AGBL3: variants seen among roughly 807,000 people sequenced by gnomAD.
AGBL3 encodes the protein AGBL carboxypeptidase 3.
A neutral mutation model predicts 94.5 loss-of-function variants in AGBL3; 68 were observed. The ratio of observed to expected loss-of-function variants is 0.72; its 90% CI spans 0.59 to 0.88. The LOEUF (loss-of-function observed/expected upper bound fraction) is 0.88, where lower values mean the gene tolerates loss of function less well. Among genes scored for constraint, AGBL3 ranks in the 40% least tolerant of loss-of-function variants. AGBL3 has a pLI of 0.00. For missense variants in AGBL3, 934 were observed against 1,103.8 expected (o/e 0.85, Z 2.18); for synonymous variants, 354 against 370.7 (o/e 0.95, Z 0.52).
At chr7:135,011,796 CAG>C (rs1563181838) in intron 4 of AGBL3, 3 of 152,244 alleles carry the variant, frequency 2.0e-5, no homozygotes, top group East Asian at 1.9e-4. Context: ...ATGGAGCAAA[CAG>C]AAACTTTGTG....
chr7:135,010,041 G>C (rs1385395042), intron 4 of AGBL3: 1 of 425,158 alleles, frequency 2.4e-6, no homozygotes. Context: ...TTTTTTTTAA[G>C]ATGGAGTCTC....
chr7:135,024,849 G>C (rs1272229330), intron 5 of AGBL3, among the ~76,000 whole-genome samples: 2 of 148,428 alleles, frequency 1.3e-5, no homozygotes, highest in African/African-American at 4.8e-5. Flanking sequence ...AATACAGTTA[G>C]AATCATTAAC....
At chr7:135,055,904 C>T (rs1270935366) in intron 11 of AGBL3, among the ~76,000 whole-genome samples, 1 of 152,016 alleles carries the variant, frequency 6.6e-6, no homozygotes, top group Admixed American at 6.6e-5. Context: ...TTTGTAGGGT[C>T]ACTAATTATC....
chr7:135,113,764 C>T (rs992883312), intron 15 of AGBL3, among the ~76,000 whole-genome samples: 1 of 152,128 alleles, frequency 6.6e-6, no homozygotes, highest in African/African-American at 2.4e-5. Flanking sequence ...TCCAGAACTC[C>T]TTTTTCTCTT....
chr7:135,095,557 C>T (rs932581809), intron 15 of AGBL3, among the ~76,000 whole-genome samples: 3 of 152,112 alleles, frequency 2.0e-5, no homozygotes, highest in African/African-American at 4.8e-5. Flanking sequence ...ACCCACTGTC[C>T]TGTGACCAAC....
chr7:135,100,002 C>T (rs1029982762), intron 15 of AGBL3: 2 of 150,108 alleles, frequency 1.3e-5, no homozygotes, highest in Non-Finnish European at 2.9e-5. Context: ...ATTCTCCTGC[C>T]TCAGCCTCCC....
At chr7:135,115,726 G>A (rs2117187507) in intron 16 of AGBL3, 115 bp downstream of exon 16, 1 of 833,310 alleles carries the variant, frequency 1.2e-6, no homozygotes, top group Non-Finnish European at 1.8e-6. Flanking sequence ...AATGATGTCA[G>A]CTCCATCACA....
chr7:135,038,136 C>G (rs2116490497), intron 8 of AGBL3, among the ~76,000 whole-genome samples: 1 of 152,178 alleles, frequency 6.6e-6, no homozygotes, highest in Non-Finnish European at 1.5e-5. Flanking sequence ...TTTAATCATT[C>G]TTTAGGGAAA....
chr7:135,071,733 C>T (rs1285163238), intron 12 of AGBL3, among the ~76,000 whole-genome samples: 1 of 152,192 alleles, frequency 6.6e-6, no homozygotes, highest in African/African-American at 2.4e-5. Flanking sequence ...AACTGAATCT[C>T]TTCCTTACAC....
chr7:135,104,635 A>G (rs371397329), intron 15 of AGBL3, among the ~76,000 whole-genome samples: 2 of 152,230 alleles, frequency 1.3e-5, no homozygotes, highest in African/African-American at 2.4e-5. Context: ...CTGCTGTGAG[A>G]TGGTATCTCA....
chr7:135,131,126 A>G lies in AGBL3; in HGVS notation c.2343-3715A>G, dbSNP rs193200466. Reference sequence around the variant, plus strand: ...AAATAAATTTAAAAATCATCTTGTAATTAGAAAAAAAAGGAATGAGATCAT... The same window carrying G: ...AAATAAATTTAAAAATCATCTTGTAGTTAGAAAAAAAAGGAATGAGATCAT... On this transcript the variant is annotated intron_variant, in intron 16 of 16. Transcript: ENST00000436302. 2.7e-4 allele frequency among the ~76,000 whole-genome samples: 41 copies of G among 152,260 alleles called. No individual in the cohort carries two copies. The Middle Eastern group carries it at 0.014, about 51-fold the overall frequency.
At chr7:135,097,581 C>T (rs1291799351) in intron 15 of AGBL3, among the ~76,000 whole-genome samples, 7 of 151,982 alleles carry the variant, frequency 4.6e-5, no homozygotes, top group Non-Finnish European at 8.8e-5. Context: ...AAGATCTTAC[C>T]CACTAAATGT....
chr7:135,060,650 A>G (rs1480908040), intron 12 of AGBL3, among the ~76,000 whole-genome samples: 2 of 152,070 alleles, frequency 1.3e-5, no homozygotes, highest in Admixed American at 6.6e-5. Context: ...AAGTGAGAAC[A>G]TGATCTTTCT....
intron 4 of AGBL3, among the ~76,000 whole-genome samples, chr7:135,000,250 G>A (rs774737443): frequency 6.6e-5 from 10 of 152,162 alleles, no homozygotes; most frequent in South Asian, 2.1e-4. Flanking sequence ...ACTGGGCCAC[G>A]GGATGCCCAG....
At chr7:135,013,176 A>G (rs891496375) in intron 4 of AGBL3, among the ~76,000 whole-genome samples, 1 of 152,206 alleles carries the variant, frequency 6.6e-6, no homozygotes, top group African/African-American at 2.4e-5. Flanking sequence ...ACATTTTTCA[A>G]CATGGGAAAT....
At chr7:134,990,779 A>C (rs1810140619) in intron 3 of AGBL3, among the ~76,000 whole-genome samples, 1 of 152,242 alleles carries the variant, frequency 6.6e-6, no homozygotes. Context: ...CTCATGGAGC[A>C]TAATTGTAAT....
chr7:135,099,000 C>T (rs1454658851), intron 15 of AGBL3, among the ~76,000 whole-genome samples: 3 of 152,128 alleles, frequency 2.0e-5, no homozygotes, highest in Non-Finnish European at 4.4e-5. Flanking sequence ...TCTACTATTA[C>T]TACTAATTGC....
intron 15 of AGBL3, among the ~76,000 whole-genome samples, chr7:135,102,740 C>A (rs1824039392): frequency 6.6e-6 from 1 of 151,206 alleles, no homozygotes; most frequent in South Asian, 2.1e-4. Context: ...TTAACCCTAA[C>A]CCTTGTCTTA....
Position 135,134,665 on chromosome 7 carries a change from T to TA in AGBL3, c.2343-166dup, listed in dbSNP as rs200672886. Among the ~76,000 whole-genome samples, 398 of 149,060 alleles carry TA rather than the reference T, an allele frequency of 2.7e-3. 6 individuals carry two copies. The East Asian group carries it at 0.044, about 16-fold the overall frequency. On this transcript the variant is annotated intron_variant, in intron 16 of 16. Coordinates refer to ENST00000436302, the MANE Select transcript of AGBL3 (RefSeq NM_178563.4). ...TAGAAATACAGGATTGGAATAGTGC[T>TA]AAAAAAAAAATCATGATCAGAGATG...
Sources: allele counts gnomAD v4.1 joint callset (sites outside exome capture counted in the v4.1 genomes callset), GRCh38; gene constraint gnomAD v4.1.1; transcripts MANE v1.5; gene names NCBI Gene and HGNC (gene_info 2026-07-23, HGNC 2026-07-21).